EYA1: variants seen among roughly 807,000 people sequenced by gnomAD.
EYA1 encodes EYA transcriptional coactivator and phosphatase 1.
Under a neutral mutation model 82.0 loss-of-function variants are expected in EYA1, and 16 were observed. That is an observed-to-expected ratio of 0.20 (90% CI 0.13 to 0.30). EYA1 has a LOEUF of 0.30. Ranked by LOEUF, EYA1 falls within the 10% of genes least tolerant of loss-of-function variation. The probability of loss-of-function intolerance (pLI) is 1.00; values close to 1 mark genes in which losing one functional copy is unlikely to be tolerated. For missense variants in EYA1, 633 were observed against 730.7 expected, an observed-to-expected ratio of 0.87 and a Z score of 1.54; for synonymous variants, 261 against 264.4, an observed-to-expected ratio of 0.99 and a Z score of 0.12.
intron 2 of EYA1, among the ~76,000 whole-genome samples, chr8:71,458,702 G>A (rs1343678365): frequency 2.0e-5 from 3 of 152,282 alleles, no homozygotes; most frequent in African/African-American, 4.8e-5. Context: ...TATATTGAAA[G>A]TGGAGCCACT....
intron 2 of EYA1, among the ~76,000 whole-genome samples, chr8:71,391,125 C>T (rs1451184316): frequency 1.3e-5 from 2 of 152,086 alleles, no homozygotes; most frequent in Admixed American, 1.3e-4. Context: ...AGGTGTGTGC[C>T]ACCACACACA....
At chr8:71,213,828 T>A (rs1357846696) in intron 16 of EYA1, among the ~76,000 whole-genome samples, 1 of 152,206 alleles carries the variant, frequency 6.6e-6, no homozygotes, top group Non-Finnish European at 1.5e-5. Flanking sequence ...AAAGAAATCT[T>A]GTGTCGGCCT....
chr8:71,265,514 A>G (rs1563722421), intron 11 of EYA1, among the ~76,000 whole-genome samples: 1 of 152,252 alleles, frequency 6.6e-6, no homozygotes, highest in Non-Finnish European at 1.5e-5. Flanking sequence ...AGACACAGAC[A>G]TTAAACAATA....
chr8:71,437,812 T>C (rs1806120301), intron 2 of EYA1, among the ~76,000 whole-genome samples: 1 of 151,054 alleles, frequency 6.6e-6, no homozygotes, highest in Non-Finnish European at 1.5e-5. Context: ...GACTACATAT[T>C]GAAAAAAAAA....
chr8:71,486,855 A>T (rs1458654386), intron 2 of EYA1, among the ~76,000 whole-genome samples: 1 of 151,842 alleles, frequency 6.6e-6, no homozygotes, highest in Non-Finnish European at 1.5e-5. Context: ...CAGCTCTGGT[A>T]GGTTGCCTCA....
chr8:71,287,307 C>T (rs1004039276), intron 9 of EYA1, among the ~76,000 whole-genome samples: 3 of 152,138 alleles, frequency 2.0e-5, no homozygotes, highest in African/African-American at 7.2e-5. Flanking sequence ...GGCAAGTAAA[C>T]TTGTTGACTA....
chr8:71,337,074 T>C (rs1455345836), intron 3 of EYA1, among the ~76,000 whole-genome samples: 2 of 152,220 alleles, frequency 1.3e-5, no homozygotes, highest in African/African-American at 2.4e-5. Flanking sequence ...TTTATAAATA[T>C]GCTGTAGATG....
intron 2 of EYA1, among the ~76,000 whole-genome samples, chr8:71,446,815 T>C (rs1286235895): frequency 6.6e-6 from 1 of 152,188 alleles, no homozygotes; most frequent in Non-Finnish European, 1.5e-5. Context: ...GATCTTAGCA[T>C]TACTGTCTAT....
At chr8:71,377,512 T>C (rs1361090021) in intron 2 of EYA1, among the ~76,000 whole-genome samples, 1 of 152,196 alleles carries the variant, frequency 6.6e-6, no homozygotes, top group African/African-American at 2.4e-5. Flanking sequence ...GCAAGGATAT[T>C]ATCAAAACCA....
intron 1 of EYA1, among the ~76,000 whole-genome samples, chr8:71,544,986 C>A (rs986254577): frequency 6.6e-6 from 1 of 152,168 alleles, no homozygotes; most frequent in African/African-American, 2.4e-5. Context: ...ACCTAAAAAT[C>A]ATCACTTTAG....
intron 11 of EYA1, among the ~76,000 whole-genome samples, chr8:71,266,156 A>G (rs1266969906): frequency 2.6e-5 from 4 of 152,196 alleles, no homozygotes; most frequent in African/African-American, 7.2e-5. Context: ...TCCCTTAGAG[A>G]CAGAACAGCG....
At chr8:71,335,057 C>T (rs1824327993) in intron 3 of EYA1, among the ~76,000 whole-genome samples, 1 of 152,138 alleles carries the variant, frequency 6.6e-6, no homozygotes, top group African/African-American at 2.4e-5. Flanking sequence ...CGTTGTTTTC[C>T]TTAGAAACTA....
At chr8:71,278,577 T>C (rs1817465423) in intron 9 of EYA1, among the ~76,000 whole-genome samples, 1 of 152,250 alleles carries the variant, frequency 6.6e-6, no homozygotes, top group Non-Finnish European at 1.5e-5. Flanking sequence ...ACAGTCCAAA[T>C]CCTTTGCCAG....
intron 2 of EYA1, among the ~76,000 whole-genome samples, chr8:71,399,759 A>G (rs567370480): frequency 3.3e-5 from 5 of 152,266 alleles, no homozygotes; most frequent in African/African-American, 1.2e-4. Context: ...TTCCCACTAA[A>G]CTACCATTGA....
chr8:71,328,722 C>T (rs1164734784), intron 4 of EYA1, among the ~76,000 whole-genome samples: 1 of 152,148 alleles, frequency 6.6e-6, no homozygotes, highest in Non-Finnish European at 1.5e-5. Context: ...TGACCCACAT[C>T]CTGGACACTG....
upstream of EYA1, among the ~76,000 whole-genome samples, chr8:71,365,911 C>A (rs1827725483): frequency 6.6e-6 from 1 of 152,162 alleles, no homozygotes; most frequent in South Asian, 2.1e-4. Context: ...AAATGTTTTC[C>A]ATTCAAACTC....
At chr8:71,269,603 T>C (rs1223121953) in intron 11 of EYA1, 137 bp downstream of exon 11, 1 of 573,622 alleles carries the variant, frequency 1.7e-6, no homozygotes, top group Non-Finnish European at 3.0e-6. Context: ...ACCTTACATA[T>C]ATATATTTGA....
At chr8:71,292,440 C>A (rs1286691437) in intron 9 of EYA1, among the ~76,000 whole-genome samples, 2 of 151,990 alleles carry the variant, frequency 1.3e-5, no homozygotes, top group Non-Finnish European at 2.9e-5. Context: ...CACTGTCTTA[C>A]AGTCTTTGAT....
intron 2 of EYA1, 32 bp downstream of exon 2, chr8:71,356,430 C>T (rs1311450181): frequency 6.4e-7 from 1 of 1,559,424 alleles, no homozygotes. Flanking sequence ...AAGGTAATCT[C>T]CAAAAATGTC....
Sources: gnomAD v4.1 joint callset for allele counts (sites outside exome capture counted in the v4.1 genomes callset) on GRCh38, gnomAD v4.1.1 for gene constraint, MANE v1.5 for transcripts, NCBI Gene and HGNC (gene_info 2026-07-23, HGNC 2026-07-21) for gene names.